Variants in NSMCE1 observed in about 807,000 individuals in gnomAD.
NSMCE1 encodes the protein NSE1 component of SMC5/6 complex.
Under a neutral mutation model 29.6 loss-of-function variants are expected in NSMCE1, and 18 were observed. That is an observed-to-expected ratio of 0.61 (90% confidence interval 0.42 to 0.90). The LOEUF is 0.90. NSMCE1 is among the 40% of genes least tolerant of loss of function. The pLI is 0.00. For synonymous variants in NSMCE1, 124 were observed against 133.4 expected, an observed-to-expected ratio of 0.93 and a Z score of 0.49; for missense variants, 314 against 343.6, an observed-to-expected ratio of 0.91 and a Z score of 0.68.
chr16:27,231,578 G>A (rs1035312419), intron 5 of NSMCE1, among the ~76,000 whole-genome samples: 6 of 151,802 alleles, frequency 4.0e-5, no homozygotes, highest in African/African-American at 1.2e-4. Context: ...TTGAGGTTGC[G>A]GTGAGCCAAG....
At chr16:27,238,831 AATGAGTCCT>A (rs2083857380) in intron 2 of NSMCE1, among the ~76,000 whole-genome samples, 1 of 151,462 alleles carries the variant, frequency 6.6e-6, no homozygotes, top group African/African-American at 2.4e-5. Context: ...CCTGGCCACC[AATGAGTCCT>A]ATGTGTCCCT....
At chr16:27,265,652 G>A (rs1045987519) in intron 1 of NSMCE1, among the ~76,000 whole-genome samples, 1 of 152,100 alleles carries the variant, frequency 6.6e-6, no homozygotes, top group African/African-American at 2.4e-5. Context: ...CCTACCAACT[G>A]AAGAACTACA....
In NSMCE1 at chr16:27,262,335, G is replaced by A. The variant is rs1291488962; in HGVS notation, c.-11-4754C>T. ...AAAAGAACAAAGCTGGAGGCATCAC[G>A]TTACCCGACTTCAAACTACACTACA... On this transcript the variant is annotated intron_variant, in intron 1 of 7. Coordinates refer to ENST00000361439, the MANE Select transcript of NSMCE1 (RefSeq NM_145080.4). Among the ~76,000 whole-genome samples, 3 of 151,736 alleles carry A rather than the reference G, an allele frequency of 2.0e-5. No individual in the cohort carries two copies. In the East Asian group the frequency reaches 5.8e-4, roughly 29 times the overall value.
intron 1 of NSMCE1, among the ~76,000 whole-genome samples, chr16:27,260,835 G>A (rs1385825121): frequency 6.8e-6 from 1 of 146,864 alleles, no homozygotes; most frequent in Non-Finnish European, 1.5e-5. Context: ...CTCCAGGCTG[G>A]GCAACAGAGT....
intron 2 of NSMCE1, among the ~76,000 whole-genome samples, chr16:27,244,989 A>G (rs2083939015): frequency 6.6e-6 from 1 of 152,202 alleles, no homozygotes; most frequent in African/African-American, 2.4e-5. Flanking sequence ...AATAATTCCT[A>G]TCACACTATC....
At chr16:27,267,022 G>T (rs2084233510) in intron 1 of NSMCE1, among the ~76,000 whole-genome samples, 1 of 152,110 alleles carries the variant, frequency 6.6e-6, no homozygotes, top group South Asian at 2.1e-4. Context: ...CCAATTTAAG[G>T]CAGAATTATC....
At chr16:27,257,692 T>C (rs1021347132) in intron 1 of NSMCE1, 111 bp from the exon 2 acceptor site, 4 of 941,696 alleles carry the variant, frequency 4.2e-6, no homozygotes, top group Non-Finnish European at 6.2e-6. Context: ...TTTTTAAAAG[T>C]CATTCTTCAT....
chr16:27,234,076 G>GC (rs1375485101), intron 4 of NSMCE1, 112 bp downstream of exon 4: 2 of 732,560 alleles, frequency 2.7e-6, no homozygotes, highest in Non-Finnish European at 4.9e-6. Flanking sequence ...AGCAATGGTG[G>GC]CCCATGTCCC....
intron 2 of NSMCE1, among the ~76,000 whole-genome samples, chr16:27,235,863 T>A (rs1362021335): frequency 1.3e-5 from 2 of 151,902 alleles, no homozygotes; most frequent in African/African-American, 4.8e-5. Flanking sequence ...ACAAACGGGG[T>A]GAGAAGGGTG....
At chr16:27,248,304 T>G (rs1596687176) in intron 2 of NSMCE1, among the ~76,000 whole-genome samples, 1 of 152,222 alleles carries the variant, frequency 6.6e-6, no homozygotes, top group East Asian at 1.9e-4. Flanking sequence ...ATATTAGAGT[T>G]CCAGTTCCTC....
chr16:27,237,003 G>A (rs772900147), intron 2 of NSMCE1, among the ~76,000 whole-genome samples: 8 of 152,134 alleles, frequency 5.3e-5, no homozygotes, highest in Admixed American at 2.0e-4. Flanking sequence ...GGATGTGGCC[G>A]TGTGAAAGAG....
intron 2 of NSMCE1, among the ~76,000 whole-genome samples, chr16:27,248,806 C>T (rs1422655298): frequency 6.6e-6 from 1 of 152,014 alleles, no homozygotes; most frequent in African/African-American, 2.4e-5. Context: ...TTGCACACTT[C>T]TTACTGGGTT....
At chr16:27,225,614 C>A in intron 7 of NSMCE1, 112 bp downstream of exon 7, 4 of 1,268,116 alleles carry the variant, frequency 3.2e-6, no homozygotes, top group South Asian at 2.9e-5. Flanking sequence ...CTAACACGGA[C>A]CCCCACACAC....
chr16:27,234,799 C>CCCTGGCTGTATTTCACT, intron 3 of NSMCE1, among the ~76,000 whole-genome samples: 1 of 152,236 alleles, frequency 6.6e-6, no homozygotes, highest in African/African-American at 2.4e-5. Flanking sequence ...CTGTATTTCA[C>CCCTGGCTGTATTTCACT]CCTGGCTGTA....
At chr16:27,233,662 A>C (rs777033227) in intron 4 of NSMCE1, among the ~76,000 whole-genome samples, 1 of 152,258 alleles carries the variant, frequency 6.6e-6, no homozygotes, top group Non-Finnish European at 1.5e-5. Flanking sequence ...TTATCATTGC[A>C]TCTAGGCCTG....
intron 5 of NSMCE1, among the ~76,000 whole-genome samples, chr16:27,227,957 G>T (rs1001600000): frequency 6.6e-6 from 1 of 151,994 alleles, no homozygotes; most frequent in Non-Finnish European, 1.5e-5. Context: ...GGCTAATTTT[G>T]TATTTTTAGT....
At chr16:27,246,266 A>G (rs554699050) in intron 2 of NSMCE1, among the ~76,000 whole-genome samples, 2 of 152,316 alleles carry the variant, frequency 1.3e-5, no homozygotes, top group South Asian at 4.1e-4. Flanking sequence ...TCTAAACCTA[A>G]ATTTTTAAAT....
At chr16:27,225,297 C>G in intron 7 of NSMCE1, 61 bp from the exon 8 acceptor site, 1 of 947,940 alleles carries the variant, frequency 1.1e-6, no homozygotes, top group South Asian at 1.4e-5. Context: ...ACAGGGGCAC[C>G]AGCTGGAGCC....
intron 5 of NSMCE1, among the ~76,000 whole-genome samples, chr16:27,231,219 C>A (rs2083758784): frequency 6.6e-6 from 1 of 152,258 alleles, no homozygotes; most frequent in South Asian, 2.1e-4. Flanking sequence ...TGCTGTTCCT[C>A]TGCAACCTCA....
Sources: allele counts gnomAD v4.1 joint callset (sites outside exome capture counted in the v4.1 genomes callset), GRCh38; gene constraint gnomAD v4.1.1; transcripts MANE v1.5; gene names NCBI Gene and HGNC (gene_info 2026-07-23, HGNC 2026-07-21).